Variants in NPSR1 observed in about 807,000 individuals in gnomAD.
NPSR1 encodes neuropeptide S receptor.
In NPSR1, 48 loss-of-function variants were observed where a neutral mutation model predicts 46.9. The ratio of observed to expected loss-of-function variants is 1.02; its 90% confidence interval spans 0.81 to 1.30. The LOEUF is 1.30. Among genes scored for constraint, NPSR1 ranks in the 50% most tolerant of loss-of-function variants. NPSR1 has a pLI of 0.00. For synonymous variants in NPSR1, 176 were observed against 168.1 expected (o/e 1.05, Z -0.36); for missense variants, 450 against 449.5 (o/e 1.00, Z -0.01).
chr7:34,778,260 A>C (rs1356147609), intron 2 of NPSR1, among the ~76,000 whole-genome samples: 1 of 152,212 alleles, frequency 6.6e-6, no homozygotes, highest in African/African-American at 2.4e-5. Flanking sequence ...GTTACATTTA[A>C]GTGGTAAGAA....
At chr7:34,746,763 A>T (rs1583932054) in intron 2 of NPSR1, among the ~76,000 whole-genome samples, 1 of 152,306 alleles carries the variant, frequency 6.6e-6, no homozygotes, top group East Asian at 1.9e-4. Flanking sequence ...AATGAAAACC[A>T]GGCTACCTGG....
chr7:34,790,227 T>C (rs1402995784), intron 3 of NPSR1, among the ~76,000 whole-genome samples: 1 of 152,090 alleles, frequency 6.6e-6, no homozygotes, highest in African/African-American at 2.4e-5. Context: ...ATACACAAAT[T>C]AATAAATGTG....
chr7:34,814,074 C>T (rs1789124161), intron 4 of NPSR1, among the ~76,000 whole-genome samples: 1 of 152,302 alleles, frequency 6.6e-6, no homozygotes, highest in East Asian at 1.9e-4. Flanking sequence ...GTGGGTGCAG[C>T]CCATGGAGGG....
intron 2 of NPSR1, among the ~76,000 whole-genome samples, chr7:34,701,890 C>T (rs1776713517): frequency 6.6e-6 from 1 of 152,200 alleles, no homozygotes; most frequent in Non-Finnish European, 1.5e-5. Flanking sequence ...CTTTGAAGAA[C>T]ATTTTTACTT....
intron 1 of NPSR1, among the ~76,000 whole-genome samples, chr7:34,675,860 A>G (rs564921824): frequency 1.3e-5 from 2 of 152,398 alleles, no homozygotes; most frequent in East Asian, 1.9e-4. Flanking sequence ...GAACAGGCCA[A>G]TCTTTAGTTA....
At chr7:34,729,193 C>T (rs1784305364) in intron 2 of NPSR1, among the ~76,000 whole-genome samples, 1 of 152,074 alleles carries the variant, frequency 6.6e-6, no homozygotes, top group Non-Finnish European at 1.5e-5. Flanking sequence ...CTAGTGATGC[C>T]TACAGACTGC....
intron 6 of NPSR1, among the ~76,000 whole-genome samples, chr7:34,836,657 C>CAGAA (rs1472776768): frequency 8.2e-6 from 1 of 122,666 alleles, no homozygotes; most frequent in Non-Finnish European, 1.6e-5. Flanking sequence ...GAAAGAAAGA[C>CAGAA]AGAAAGAAGA....
At chr7:34,813,636 AAGAC>A (rs1193775080) in intron 4 of NPSR1, among the ~76,000 whole-genome samples, 3 of 152,226 alleles carry the variant, frequency 2.0e-5, no homozygotes, top group Non-Finnish European at 2.9e-5. Context: ...TGTGTACAGA[AAGAC>A]AGAGAGGAGC....
intron 3 of NPSR1, among the ~76,000 whole-genome samples, chr7:34,811,100 T>C (rs537694445): frequency 3.2e-4 from 49 of 152,246 alleles, no homozygotes; most frequent in African/African-American, 1.1e-3. Context: ...CTGTTTTAAC[T>C]CTGCCATCTG....
intron 4 of NPSR1, among the ~76,000 whole-genome samples, chr7:34,812,985 A>G (rs1789065805): frequency 6.6e-6 from 1 of 152,156 alleles, no homozygotes; most frequent in South Asian, 2.1e-4. Context: ...AAGTGGAGTG[A>G]AATAGGGTAA....
At chr7:34,765,470 T>C (rs922856786) in intron 2 of NPSR1, among the ~76,000 whole-genome samples, 1 of 152,226 alleles carries the variant, frequency 6.6e-6, no homozygotes, top group Admixed American at 6.5e-5. Flanking sequence ...TTATACACTA[T>C]TGATGGAAAT....
At chr7:34,773,920 T>C (rs1382598345) in intron 2 of NPSR1, among the ~76,000 whole-genome samples, 1 of 152,196 alleles carries the variant, frequency 6.6e-6, no homozygotes, top group African/African-American at 2.4e-5. Context: ...TCTTCACACA[T>C]TGTGCCCACT....
At chr7:34,795,285 A>G (rs756724171) in intron 3 of NPSR1, among the ~76,000 whole-genome samples, 13 of 152,192 alleles carry the variant, frequency 8.5e-5, no homozygotes, top group Non-Finnish European at 1.8e-4. Flanking sequence ...GAAAAATAAC[A>G]TCTACAAAAC....
intron 4 of NPSR1, among the ~76,000 whole-genome samples, chr7:34,825,850 G>A (rs1360912840): frequency 6.6e-6 from 1 of 152,182 alleles, no homozygotes; most frequent in Admixed American, 6.5e-5. Flanking sequence ...AATGTGGATA[G>A]CAACCTGGGG....
chr7:34,790,784 TTATA>T (rs200555119), intron 3 of NPSR1, among the ~76,000 whole-genome samples: 1 of 127,574 alleles, frequency 7.8e-6, no homozygotes, highest in Non-Finnish European at 1.6e-5. Flanking sequence ...ATGTTATATG[TTATA>T]TATATGTTAT....
At chr7:34,732,423 G>T (rs1477271766) in intron 2 of NPSR1, among the ~76,000 whole-genome samples, 2 of 152,106 alleles carry the variant, frequency 1.3e-5, no homozygotes, top group Non-Finnish European at 2.9e-5. Context: ...AGCTAGTGGT[G>T]GGGGCAGGAA....
At chr7:34,741,880 C>T (rs1287898836) in intron 2 of NPSR1, among the ~76,000 whole-genome samples, 1 of 152,212 alleles carries the variant, frequency 6.6e-6, no homozygotes, top group African/African-American at 2.4e-5. Flanking sequence ...CATTAAGCTT[C>T]CCCTGGTTGT....
chr7:34,825,279 A>G (rs1293736492), intron 4 of NPSR1, among the ~76,000 whole-genome samples: 4 of 152,174 alleles, frequency 2.6e-5, no homozygotes, highest in Non-Finnish European at 5.9e-5. Flanking sequence ...CCATATGGCC[A>G]TGGCCCTCAT....
chr7:34,761,609 C>T (rs1786177111), intron 2 of NPSR1, among the ~76,000 whole-genome samples: 1 of 152,122 alleles, frequency 6.6e-6, no homozygotes, highest in South Asian at 2.1e-4. Flanking sequence ...CCCCTTAGCT[C>T]TCCTTGGGCA....
Sources: allele counts gnomAD v4.1 joint callset (sites outside exome capture counted in the v4.1 genomes callset), GRCh38; gene constraint gnomAD v4.1.1; transcripts MANE v1.5; gene names NCBI Gene and HGNC (gene_info 2026-07-23, HGNC 2026-07-21).